Variants in KIAA0825 observed in about 807,000 individuals in gnomAD.
KIAA0825 encodes the protein uncharacterized protein KIAA0825.
Under a neutral mutation model 147.6 loss-of-function variants are expected in KIAA0825, and 119 were observed. The observed-to-expected ratio is 0.81, with a 90% CI of 0.69 to 0.94. KIAA0825 has a LOEUF of 0.94. Among genes scored for constraint, KIAA0825 ranks in the 40% least tolerant of loss-of-function variants. The pLI is 0.00. For missense variants in KIAA0825, 1,381 were observed against 1,472.7 expected (o/e 0.94, Z 1.02); for synonymous variants, 470 against 518.1 (o/e 0.91, Z 1.26).
At chr5:94,504,269 A>G (rs983005001) in intron 5 of KIAA0825, among the ~76,000 whole-genome samples, 1 of 152,206 alleles carries the variant, frequency 6.6e-6, no homozygotes, top group African/African-American at 2.4e-5. Flanking sequence ...TAGAGGGACA[A>G]CAGACAATAA....
At chr5:94,269,869 TTA>T (rs1776905242) in intron 20 of KIAA0825, among the ~76,000 whole-genome samples, 1 of 151,898 alleles carries the variant, frequency 6.6e-6, no homozygotes, top group Admixed American at 6.6e-5. Flanking sequence ...AACTTGCTTT[TTA>T]AAAAAGTTAA....
At chr5:94,485,163 G>A (rs542047589) in intron 5 of KIAA0825, among the ~76,000 whole-genome samples, 5 of 151,644 alleles carry the variant, frequency 3.3e-5, no homozygotes, top group Admixed American at 1.3e-4. Context: ...TAATTAGATC[G>A]ATTCTCAGAG....
rs193119320 is a variant in KIAA0825 at position 94,546,284 on chromosome 5, G to C, written c.-1-9157C>G. On this transcript the variant is annotated intron_variant, in intron 2 of 20. Coordinates refer to ENST00000682413, the MANE Select transcript of KIAA0825 (RefSeq NM_001145678.3). ...GTAGCTATGAACCCACCTACAGCGT[G>C]GGGGAACTTACTGCCCTGAAGGGAG... Among the ~76,000 whole-genome samples the C allele has an allele frequency of 7.9e-5, 12 of 152,280 alleles. No individual in the cohort carries two copies. In the East Asian group the frequency reaches 1.7e-3, roughly 22 times the overall value.
intron 4 of KIAA0825, among the ~76,000 whole-genome samples, chr5:94,523,728 T>G (rs947917597): frequency 2.0e-5 from 3 of 151,564 alleles, no homozygotes; most frequent in Non-Finnish European, 3.0e-5. Context: ...TAAAATTTTA[T>G]TTTATTGATA....
intron 13 of KIAA0825, among the ~76,000 whole-genome samples, chr5:94,441,272 G>C (rs544746539): frequency 2.6e-5 from 4 of 152,034 alleles, no homozygotes; most frequent in African/African-American, 9.7e-5. Flanking sequence ...GATTGGGGGC[G>C]GGGAGCGGGG....
intron 15 of KIAA0825, among the ~76,000 whole-genome samples, chr5:94,409,926 T>C (rs1752533605): frequency 6.6e-6 from 1 of 152,024 alleles, no homozygotes; most frequent in African/African-American, 2.4e-5. Context: ...AACATAATAC[T>C]GATAATGTCT....
At chr5:94,369,641 C>A (rs973580092) in intron 20 of KIAA0825, among the ~76,000 whole-genome samples, 1 of 152,014 alleles carries the variant, frequency 6.6e-6, no homozygotes, top group African/African-American at 2.4e-5. Context: ...GTAACTGGGG[C>A]CTGAGGCAAG....
intron 20 of KIAA0825, among the ~76,000 whole-genome samples, chr5:94,346,724 G>A (rs575391518): frequency 6.6e-6 from 1 of 152,300 alleles, no homozygotes; most frequent in South Asian, 2.1e-4. Flanking sequence ...GGGATCCAAC[G>A]GGAGAGAAGC....
chr5:94,184,735 C>G (rs1033886113), intron 20 of KIAA0825, among the ~76,000 whole-genome samples: 2 of 152,128 alleles, frequency 1.3e-5, no homozygotes, highest in African/African-American at 4.8e-5. Context: ...ATACACAAGT[C>G]TTTAAAAAAT....
intron 20 of KIAA0825, among the ~76,000 whole-genome samples, chr5:94,171,174 T>C (rs988430549): frequency 2.0e-5 from 3 of 152,174 alleles, no homozygotes; most frequent in Non-Finnish European, 4.4e-5. Flanking sequence ...GATTGAATTA[T>C]GGGTGCAGGT....
intron 20 of KIAA0825, among the ~76,000 whole-genome samples, chr5:94,200,548 A>G (rs1315451287): frequency 6.8e-6 from 1 of 146,000 alleles, no homozygotes; most frequent in Non-Finnish European, 1.5e-5. Context: ...TGACCATTCT[A>G]TGCTTATAGA....
chr5:94,573,826 T>C (rs866531530), intron 2 of KIAA0825, among the ~76,000 whole-genome samples: 1 of 152,342 alleles, frequency 6.6e-6, no homozygotes, highest in South Asian at 2.1e-4. Flanking sequence ...TTTCTTTCTT[T>C]TCTTGTAATG....
At chr5:94,461,267 A>C (rs948865020) in intron 12 of KIAA0825, among the ~76,000 whole-genome samples, 1 of 151,942 alleles carries the variant, frequency 6.6e-6, no homozygotes, top group Non-Finnish European at 1.5e-5. Context: ...ACCATGACCA[A>C]TCCATGAAAT....
At chr5:94,473,186 G>T in intron 8 of KIAA0825, 106 bp downstream of exon 8, 1 of 843,238 alleles carries the variant, frequency 1.2e-6, no homozygotes, top group Non-Finnish European at 1.9e-6. Flanking sequence ...CCAAGTACTT[G>T]CCAAGGGACT....
intron 20 of KIAA0825, among the ~76,000 whole-genome samples, chr5:94,318,596 T>A (rs944768698): frequency 1.1e-4 from 17 of 151,458 alleles, no homozygotes; most frequent in African/African-American, 4.1e-4. Context: ...AAAGGGGAGG[T>A]GGTACAATGG....
At chr5:94,606,508 C>T (rs2152428398) in intron 1 of KIAA0825, among the ~76,000 whole-genome samples, 1 of 152,294 alleles carries the variant, frequency 6.6e-6, no homozygotes, top group East Asian at 1.9e-4. Context: ...TCAAACTACA[C>T]TACAAGGCAA....
At chr5:94,192,294 T>C (rs1477345949) in intron 20 of KIAA0825, among the ~76,000 whole-genome samples, 1 of 152,228 alleles carries the variant, frequency 6.6e-6, no homozygotes, top group Non-Finnish European at 1.5e-5. Context: ...ATAATATTCT[T>C]GGCTTCATTC....
intron 20 of KIAA0825, among the ~76,000 whole-genome samples, chr5:94,371,026 G>C (rs1313844958): frequency 6.6e-6 from 1 of 151,902 alleles, no homozygotes; most frequent in African/African-American, 2.4e-5. Flanking sequence ...ATTAGAGTGA[G>C]ACTTGTGTGA....
At chr5:94,248,597 T>C (rs1775759916) in intron 20 of KIAA0825, among the ~76,000 whole-genome samples, 1 of 152,002 alleles carries the variant, frequency 6.6e-6, no homozygotes, top group Admixed American at 6.6e-5. Context: ...ATACAGAACA[T>C]AGTAGAAAGT....
Sources: gnomAD v4.1 joint callset for allele counts (sites outside exome capture counted in the v4.1 genomes callset) on GRCh38, gnomAD v4.1.1 for gene constraint, MANE v1.5 for transcripts, NCBI Gene and HGNC (gene_info 2026-07-23, HGNC 2026-07-21) for gene names.